The following PARD3B variants were observed in gnomAD, a reference collection of about 807,000 sequenced individuals.
PARD3B encodes par-3 family cell polarity regulator beta.
Under a neutral mutation model 130.2 loss-of-function variants are expected in PARD3B, and 103 were observed. The observed-to-expected ratio is 0.79, with a 90% CI of 0.67 to 0.93. PARD3B has a LOEUF of 0.93. Among genes scored for constraint, PARD3B ranks in the 40% least tolerant of loss-of-function variants. The pLI, the probability that PARD3B is intolerant of heterozygous loss-of-function variation, is 0.00. For missense variants in PARD3B, 1,609 were observed against 1,499.2 expected (o/e 1.07, Z -1.21); for synonymous variants, 583 against 553.2 (o/e 1.05, Z -0.76).
Position 205,226,915 on chromosome 2 carries a change from C to A in PARD3B, c.2141-18863C>A, listed in dbSNP as rs547639873. Among the ~76,000 whole-genome samples, 7 of 152,182 alleles carry A rather than the reference C, an allele frequency of 4.6e-5. No homozygotes were observed. The East Asian group carries it at 1.4e-3, about 29-fold the overall frequency. On this transcript the variant is annotated intron_variant, in intron 15 of 22. Transcript: ENST00000406610. ...TCTGTGAAGAATAGCCAAAGCCATTCTTTCTTAATTGATCCACTGGTCATT... is the reference window on the plus strand; with the variant it reads ...TCTGTGAAGAATAGCCAAAGCCATTATTTCTTAATTGATCCACTGGTCATT...
intron 15 of PARD3B, among the ~76,000 whole-genome samples, chr2:205,203,232 C>G (rs918755927): frequency 1.3e-5 from 2 of 152,118 alleles, no homozygotes; most frequent in African/African-American, 4.8e-5. Context: ...ATTGTCTGTG[C>G]TCTGATTAGA....
At chr2:204,991,850 C>T (rs373348694) in intron 3 of PARD3B, among the ~76,000 whole-genome samples, 10 of 151,142 alleles carry the variant, frequency 6.6e-5, no homozygotes, top group East Asian at 3.9e-4. Context: ...TTTTTTCATG[C>T]GTTTTTTGGC....
rs151324540 is a variant in PARD3B at position 205,462,877 on chromosome 2, C to G, written c.3044+22205C>G. Among the ~76,000 whole-genome samples, 9 of 152,260 alleles carry G rather than the reference C, an allele frequency of 5.9e-5. No homozygotes were observed. In the South Asian group the frequency reaches 1.9e-3, roughly 32 times the overall value. The stretch of plus-strand genomic sequence containing the variant: ...TGTGAGCCATTCATCAAATCTCAGA[C>G]GTGACTCACGCAGTGGCTCATGGGT... On this transcript the variant is annotated intron_variant, in intron 20 of 22. Coordinates refer to ENST00000406610, the MANE Select transcript of PARD3B (RefSeq NM_001302769.2).
At chr2:205,457,223 T>A (rs182776903) in intron 20 of PARD3B, among the ~76,000 whole-genome samples, 269 of 152,110 alleles carry the variant, frequency 1.8e-3, no homozygotes, top group African/African-American at 6.1e-3. Flanking sequence ...GAGTGTTTAC[T>A]TTTCTAGGAG....
intron 1 of PARD3B, among the ~76,000 whole-genome samples, chr2:204,596,917 A>ACTCT (rs560128486): frequency 0.022 from 2,764 of 125,114 alleles, 77 homozygotes; most frequent in South Asian, 0.15. Context: ...AAACTCACTC[A>ACTCT]CTCTCTCTCT....
intron 18 of PARD3B, among the ~76,000 whole-genome samples, chr2:205,381,234 A>G: frequency 7.9e-6 from 1 of 126,464 alleles, no homozygotes; most frequent in East Asian, 2.1e-4. Context: ...TATATAATAT[A>G]TATAAAAAGA....
At chr2:205,097,510 G>T (rs1392569306) in intron 4 of PARD3B, among the ~76,000 whole-genome samples, 1 of 152,124 alleles carries the variant, frequency 6.6e-6, no homozygotes, top group Non-Finnish European at 1.5e-5. Context: ...TTTTTCCTGA[G>T]TCTCAGATCT....
intron 18 of PARD3B, among the ~76,000 whole-genome samples, chr2:205,373,741 G>A (rs547154733): frequency 1.4e-4 from 21 of 152,170 alleles, no homozygotes; most frequent in Non-Finnish European, 2.5e-4. Flanking sequence ...TTCTTGATCC[G>A]CAACTGTGAT....
intron 1 of PARD3B, among the ~76,000 whole-genome samples, chr2:204,604,845 A>C (rs547114076): frequency 2.0e-5 from 3 of 152,260 alleles, no homozygotes; most frequent in African/African-American, 7.2e-5. Context: ...TGGGTCAGGA[A>C]TTTGGATGGG....
intron 3 of PARD3B, among the ~76,000 whole-genome samples, chr2:204,979,994 T>A (rs1046962035): frequency 6.6e-6 from 1 of 152,180 alleles, no homozygotes; most frequent in Non-Finnish European, 1.5e-5. Flanking sequence ...ATAAATTGGG[T>A]TATGTGCAAT....
chr2:205,307,885 C>A (rs2042240493), intron 18 of PARD3B, among the ~76,000 whole-genome samples: 1 of 152,142 alleles, frequency 6.6e-6, no homozygotes, highest in Admixed American at 6.5e-5. Flanking sequence ...TTATTTTGGA[C>A]ACTGAATGGA....
chr2:204,588,972 T>C (rs2032956099), intron 1 of PARD3B, among the ~76,000 whole-genome samples: 1 of 151,086 alleles, frequency 6.6e-6, no homozygotes. Flanking sequence ...TCTCAAGCTC[T>C]TCAGGATGCC....
In PARD3B at chr2:205,150,251, GTGCA is replaced by G. The variant is rs747146047; in HGVS notation, c.1435-8470_1435-8467del. 4.1e-3 allele frequency among the ~76,000 whole-genome samples: 494 copies of G among 119,038 alleles called. 3 individuals are homozygous for G. Among genetic ancestry groups the G allele is most frequent in the Admixed American group, 0.014 (159 of 11,552 alleles). The allele number at this position is 119,038 out of a possible 152,430, so 78.1% of individuals were successfully genotyped here. ...TGTGTGTGTGTGTGTGTGTGTGTGT[GTGCA>G]CACACGCTTGAAATCTGTGAGTGGA... is the stretch of plus-strand genomic sequence containing the variant. On this transcript the variant is annotated intron_variant, in intron 10 of 22. Coordinates refer to ENST00000406610, the MANE Select transcript of PARD3B (RefSeq NM_001302769.2).
chr2:204,858,925 C>T (rs923039996), intron 2 of PARD3B, among the ~76,000 whole-genome samples: 1 of 151,028 alleles, frequency 6.6e-6, no homozygotes, highest in African/African-American at 2.4e-5. Context: ...TGCTTTTAAC[C>T]CTCACAAAAT....
At chr2:204,829,734 T>C (rs1051227429) in intron 2 of PARD3B, among the ~76,000 whole-genome samples, 1 of 152,036 alleles carries the variant, frequency 6.6e-6, no homozygotes, top group Non-Finnish European at 1.5e-5. Context: ...GCGCGGTGGC[T>C]CACGCCTGTA....
chr2:204,745,717 C>T (rs1204349040), intron 2 of PARD3B, among the ~76,000 whole-genome samples: 2 of 152,008 alleles, frequency 1.3e-5, no homozygotes, highest in African/African-American at 4.8e-5. Context: ...CTACCATTTT[C>T]ATTACACCCA....
At chr2:204,630,286 C>T (rs983823091) in intron 1 of PARD3B, among the ~76,000 whole-genome samples, 3 of 151,798 alleles carry the variant, frequency 2.0e-5, no homozygotes, top group East Asian at 1.9e-4. Flanking sequence ...AGGGTAACCA[C>T]GGTATAGGGA....
intron 16 of PARD3B, among the ~76,000 whole-genome samples, chr2:205,256,420 G>A (rs1236028223): frequency 6.6e-6 from 1 of 152,082 alleles, no homozygotes; most frequent in Non-Finnish European, 1.5e-5. Context: ...TGCCCCTAAG[G>A]TTCTCACAGT....
At chr2:205,169,785 C>T (rs972404942) in intron 11 of PARD3B, among the ~76,000 whole-genome samples, 9 of 152,182 alleles carry the variant, frequency 5.9e-5, no homozygotes, top group African/African-American at 2.2e-4. Flanking sequence ...ACATCAGTCT[C>T]CAGTCATCCT....
Sources: gnomAD v4.1 joint callset for allele counts (sites outside exome capture counted in the v4.1 genomes callset) on GRCh38, gnomAD v4.1.1 for gene constraint, MANE v1.5 for transcripts, NCBI Gene and HGNC (gene_info 2026-07-23, HGNC 2026-07-21) for gene names.